The following RABGAP1L variants were observed in gnomAD, a reference collection of about 807,000 sequenced individuals.
RABGAP1L encodes rab GTPase-activating protein 1-like.
RABGAP1L carries 63 observed loss-of-function variants against 137.7 expected under a neutral mutation model. That is an observed-to-expected ratio of 0.46 (90% CI 0.37 to 0.56). The LOEUF (loss-of-function observed/expected upper bound fraction) is 0.56. RABGAP1L is among the 20% of genes least tolerant of loss of function. RABGAP1L has a pLI of 0.00. For synonymous variants in RABGAP1L, 431 were observed against 433.7 expected (o/e 0.99, Z 0.08); for missense variants, 1,095 against 1,244.0 (o/e 0.88, Z 1.80).
rs756575777 is a variant in RABGAP1L, at chr1:174,221,099, G to A, written c.266G>A (p.Gly89Glu). 11 of 1,613,718 alleles carry A rather than the reference G, an allele frequency of 6.8e-6. No individual in the cohort carries two copies. The highest frequency in any genetic ancestry group is 3.3e-4 in the Middle Eastern group (2 of 6,054). The change falls in exon 3 of 26, where the codon GGA becomes GAA. Residue 89 changes from glycine (G) to glutamate (E), a missense_variant. This residue lies in a region of RABGAP1L where 356 missense variants were observed against 326.3 expected (regional missense o/e 1.09). Transcript: ENST00000681986. ...SSSEISDHSF[G>E]DIPASQTNKP... ...AGTGAGATTTCAGACCATTCGTTTG[G>A]AGATATTCCAGCCAGCCAAACAAAT...
At chr1:174,343,995 G>C (rs907689840) in intron 11 of RABGAP1L, among the ~76,000 whole-genome samples, 2 of 152,120 alleles carry the variant, frequency 1.3e-5, no homozygotes, top group Non-Finnish European at 2.9e-5. Context: ...ATTTAGGCCT[G>C]TTTCATCCCT....
chr1:174,306,364 A>T (rs556656726), intron 11 of RABGAP1L, among the ~76,000 whole-genome samples: 1 of 152,208 alleles, frequency 6.6e-6, no homozygotes, highest in South Asian at 2.1e-4. Flanking sequence ...TGGTTGAACT[A>T]GTTTACAGTG....
At chr1:174,674,057 C>G (rs1677385380) in intron 14 of RABGAP1L, among the ~76,000 whole-genome samples, 1 of 148,912 alleles carries the variant, frequency 6.7e-6, no homozygotes, top group Non-Finnish European at 1.5e-5. Flanking sequence ...TTTGAGTGTT[C>G]AGAGTTTTTT....
chr1:174,990,839 T>C lies in RABGAP1L; in HGVS notation c.*838T>C, dbSNP rs942154154. ...TTAGGGAGCCTTTACCAGAGACGCC[T>C]AAAAAGCCCCAGGTTCAGCCATTGT... On this transcript the variant is annotated 3_prime_UTR_variant, in exon 26 of 26. Coordinates refer to ENST00000681986, the MANE Select transcript of RABGAP1L (RefSeq NM_001366446.1). 16 of 152,158 alleles carry C rather than the reference T, an allele frequency of 1.1e-4. No homozygotes were observed. Among genetic ancestry groups the C allele is most frequent in the African/African-American group, 3.9e-4 (16 of 41,430 alleles). 9.4% of individuals were successfully genotyped at this position (152,158 alleles called of 1,614,324 possible). A position where few individuals can be genotyped will look rare whatever the true frequency, so the allele number is the denominator to read the frequency against.
chr1:174,851,415 C>A (rs1238476470), intron 19 of RABGAP1L, among the ~76,000 whole-genome samples: 1 of 149,684 alleles, frequency 6.7e-6, no homozygotes, highest in African/African-American at 2.4e-5. Flanking sequence ...TCATTACTTT[C>A]TCCAATTGTG....
intron 15 of RABGAP1L, among the ~76,000 whole-genome samples, chr1:174,693,537 T>C (rs186731535): frequency 4.6e-5 from 7 of 152,374 alleles, no homozygotes. Flanking sequence ...ATAAAAATGG[T>C]ATATGATGGT....
At position 174,275,907 on chromosome 1, in the gene RABGAP1L, T is replaced by G; in HGVS notation, c.1128T>G (p.Phe376Leu). The G allele has an allele frequency of 1.2e-6, 2 of 1,612,776 alleles. No individual in the cohort carries two copies. Among genetic ancestry groups the G allele is most frequent in the Non-Finnish European group, 1.7e-6 (2 of 1,179,158 alleles). ...TGTGGAACCCCAATGCACCAGTATT[T>G]CTGGCACTTAACGAGGAAACCCCAA... ...TGMWNPNAPV[F>L]LALNEETPKD... is the part of the protein sequence containing the mutation. The change falls in exon 9 of 26, where the codon TTT (phenylalanine) becomes TTG (leucine). Residue 376 changes from phenylalanine (F) to leucine (L), a missense_variant. Coordinates refer to ENST00000681986, the MANE Select transcript of RABGAP1L (RefSeq NM_001366446.1).
chr1:174,839,028 C>CGTGTGTGTGTGT (rs71726767), intron 19 of RABGAP1L, among the ~76,000 whole-genome samples: 5,780 of 129,980 alleles, frequency 0.044, 197 homozygotes, highest in Middle Eastern at 0.12. Flanking sequence ...AACTTTTTTA[C>CGTGTGTGTGTGT]GTGTGTGTGT....
At chr1:174,356,531 T>G (rs1231272249) in intron 11 of RABGAP1L, among the ~76,000 whole-genome samples, 1 of 152,180 alleles carries the variant, frequency 6.6e-6, no homozygotes, top group African/African-American at 2.4e-5. Flanking sequence ...TCTGAAAATT[T>G]CCTTTTATTA....
intron 14 of RABGAP1L, among the ~76,000 whole-genome samples, chr1:174,661,698 A>G (rs1490855015): frequency 6.6e-6 from 1 of 152,144 alleles, no homozygotes; most frequent in African/African-American, 2.4e-5. Context: ...GTGTGTGTCT[A>G]GTAAGATATA....
At chr1:174,232,400 G>A (rs933271415) in intron 4 of RABGAP1L, among the ~76,000 whole-genome samples, 5 of 151,574 alleles carry the variant, frequency 3.3e-5, no homozygotes, top group Admixed American at 2.0e-4. Flanking sequence ...CAGGAGAATC[G>A]CTCAAACTCG....
intron 19 of RABGAP1L, among the ~76,000 whole-genome samples, chr1:174,929,938 C>A (rs1459976782): frequency 6.7e-6 from 1 of 149,992 alleles, no homozygotes; most frequent in Non-Finnish European, 1.5e-5. Flanking sequence ...GCAGCCTCAG[C>A]CTCCTGGGCT....
chr1:174,255,250 A>T (rs1465435835), intron 7 of RABGAP1L, among the ~76,000 whole-genome samples: 1 of 152,200 alleles, frequency 6.6e-6, no homozygotes, highest in Non-Finnish European at 1.5e-5. Context: ...AGAGCTGAAG[A>T]TATCGTATTT....
intron 11 of RABGAP1L, among the ~76,000 whole-genome samples, chr1:174,342,585 GA>G (rs1028501235): frequency 3.4e-4 from 51 of 152,126 alleles, no homozygotes; most frequent in African/African-American, 1.2e-3. Context: ...AGAAAACAAA[GA>G]AAAATATGTA....
At chr1:174,373,412 T>G (rs1685266701) in intron 12 of RABGAP1L, among the ~76,000 whole-genome samples, 1 of 152,160 alleles carries the variant, frequency 6.6e-6, no homozygotes, top group Non-Finnish European at 1.5e-5. Flanking sequence ...CTATGGCCTA[T>G]GGGACTGGAG....
chr1:174,991,499 A>G lies in RABGAP1L; in HGVS notation c.*1498A>G, dbSNP rs1335495187. On this transcript the variant is annotated 3_prime_UTR_variant, in exon 26 of 26. Transcript: ENST00000681986. The stretch of plus-strand genomic sequence containing the variant: ...ATCTACATCCCAGGAGGATGCACCA[A>G]GTTGCTCACAGTGGATCTTTTCCTC... 1 of 152,216 alleles carries G rather than the reference A, an allele frequency of 6.6e-6. No homozygotes were observed. The highest frequency in any genetic ancestry group is 2.4e-5 in the African/African-American group (1 of 41,462). The allele number at this position is 152,216 out of a possible 1,614,324, so 9.4% of individuals were successfully genotyped here. A position where few individuals can be genotyped will look rare whatever the true frequency, so the allele number is the denominator to read the frequency against.
At chr1:174,954,984 A>C (rs544160028) in intron 19 of RABGAP1L, among the ~76,000 whole-genome samples, 3 of 152,228 alleles carry the variant, frequency 2.0e-5, no homozygotes, top group Admixed American at 2.0e-4. Flanking sequence ...TGAGACTGCT[A>C]TCAAAGCCAA....
chr1:174,572,079 G>A (rs1369500416), intron 13 of RABGAP1L, among the ~76,000 whole-genome samples: 2 of 152,132 alleles, frequency 1.3e-5, no homozygotes, highest in African/African-American at 4.8e-5. Flanking sequence ...AACATTCCCT[G>A]CTAAATCAAA....
rs1252055657 is a variant in RABGAP1L, at chr1:174,957,442, CTCA to C, written c.2341-14_2341-12del. The C allele has an allele frequency of 4.4e-6, 7 of 1,600,674 alleles. No individual in the cohort carries two copies. In the South Asian group the frequency reaches 7.7e-5, roughly 18 times the overall value. On this transcript the variant is annotated splice_polypyrimidine_tract_variant and intron_variant, in intron 19 of 25. Coordinates refer to ENST00000681986, the MANE Select transcript of RABGAP1L (RefSeq NM_001366446.1). ...GGTGTCCTTGTCTAACATGGTTTTC[CTCA>C]AATCCCTGCAGGTACCAACCAAGAA...
Sources: gnomAD v4.1 joint callset for allele counts (sites outside exome capture counted in the v4.1 genomes callset) on GRCh38, gnomAD v4.1.1 for gene constraint, gnomAD v4.1.1 regional missense constraint, MANE v1.5 for transcripts, NCBI Gene and HGNC (gene_info 2026-07-23, HGNC 2026-07-21) for gene names.